The following CACNA2D3 variants were observed in gnomAD, a reference collection of about 807,000 sequenced individuals.
CACNA2D3 encodes the protein calcium voltage-gated channel auxiliary subunit alpha2delta 3, also known as voltage-dependent calcium channel subunit alpha-2/delta-3.
In CACNA2D3, 60 loss-of-function variants were observed where a neutral mutation model predicts 160.6. The observed-to-expected ratio is 0.37, with a 90% CI of 0.30 to 0.46. CACNA2D3 has a LOEUF of 0.46. Among genes scored for constraint, CACNA2D3 ranks in the 20% least tolerant of loss-of-function variants. CACNA2D3 has a pLI of 1.00. For missense variants in CACNA2D3, 1,205 were observed against 1,365.0 expected, an observed-to-expected ratio of 0.88 and a Z score of 1.85; for synonymous variants, 558 against 492.9, an observed-to-expected ratio of 1.13 and a Z score of -1.75.
rs1553785965 is a variant in CACNA2D3 at position 54,689,010 on chromosome 3, A to AAAAAAAAAAAAAAAAGAG, written c.1167+46770_1167+46771insAAAAAAAAAAAAAAGAGA. On this transcript the variant is annotated intron_variant, in intron 11 of 37. Transcript: ENST00000474759. Reference sequence around the variant, plus strand: ...AAAAAAAAAAAAAAAAAAAAAAAAAAAGAATGAGGTTGTATACATAAAGCA... The same window carrying AAAAAAAAAAAAAAAAGAG: ...AAAAAAAAAAAAAAAAAAAAAAAAAAAAAAAAAAAAAAAAAGAGAGAATGAGGTTGTATACATAAAGCA... 1.4e-4 allele frequency among the ~76,000 whole-genome samples: 12 copies of AAAAAAAAAAAAAAAAGAG among 85,496 alleles called. 4 individuals are homozygous for AAAAAAAAAAAAAAAAGAG. Among genetic ancestry groups the AAAAAAAAAAAAAAAAGAG allele is most frequent in the Non-Finnish European group, 1.8e-4 (8 of 45,154 alleles). 56.1% of individuals were successfully genotyped at this position (85,496 alleles called of 152,430 possible).
intron 4 of CACNA2D3, among the ~76,000 whole-genome samples, chr3:54,456,646 CT>C (rs1449643914): frequency 6.6e-6 from 1 of 151,884 alleles, no homozygotes; most frequent in Non-Finnish European, 1.5e-5. Context: ...GAAGTGCTAC[CT>C]CCTCTTCATT....
chr3:54,910,734 C>A (rs2106908433), intron 27 of CACNA2D3, among the ~76,000 whole-genome samples: 1 of 152,318 alleles, frequency 6.6e-6, no homozygotes, highest in South Asian at 2.1e-4. Flanking sequence ...TGTCTCTACT[C>A]TTTCCCCAAT....
intron 18 of CACNA2D3, among the ~76,000 whole-genome samples, chr3:54,877,839 C>T (rs1021463580): frequency 5.9e-5 from 9 of 152,030 alleles, no homozygotes; most frequent in African/African-American, 1.9e-4. Flanking sequence ...AGGCAGGCAC[C>T]AGAAAGAGGA....
At chr3:54,290,357 A>G (rs1018158677) in intron 2 of CACNA2D3, among the ~76,000 whole-genome samples, 1 of 152,202 alleles carries the variant, frequency 6.6e-6, no homozygotes, top group African/African-American at 2.4e-5. Context: ...AACCACATTG[A>G]GATACCATCT....
rs1283143287 is a variant in CACNA2D3 at position 54,736,016 on chromosome 3, T to TACACACACACACAC, written c.1168-16578_1168-16577insCACACACACACACA. 2.9e-4 allele frequency among the ~76,000 whole-genome samples: 25 copies of TACACACACACACAC among 86,660 alleles called. 2 individuals are homozygous for TACACACACACACAC. The highest frequency in any genetic ancestry group is 6.0e-4 in the South Asian group (2 of 3,334). 56.9% of individuals were successfully genotyped at this position (86,660 alleles called of 152,430 possible). ...ATACATATATATATATGTATATATA[T>TACACACACACACAC]ACACATACATATATATATGTATATA... is the stretch of plus-strand genomic sequence containing the variant. On this transcript the variant is annotated intron_variant, in intron 11 of 37. Coordinates refer to ENST00000474759, the MANE Select transcript of CACNA2D3 (RefSeq NM_018398.3).
intron 2 of CACNA2D3, among the ~76,000 whole-genome samples, chr3:54,151,982 C>A (rs895462602): frequency 6.6e-6 from 1 of 152,244 alleles, no homozygotes; most frequent in Non-Finnish European, 1.5e-5. Context: ...TCAAATGCCA[C>A]CTCTTCTATG....
Position 54,479,508 on chromosome 3 carries a change from C to T in CACNA2D3, c.382-23984C>T, listed in dbSNP as rs546223635. 1.1e-3 allele frequency among the ~76,000 whole-genome samples: 164 copies of T among 152,258 alleles called. 2 individuals carry two copies. The highest frequency in any genetic ancestry group is 1.9e-3 in the Non-Finnish European group (130 of 68,020). ...ACCGTAATTATAGGCCTTTCTGGAA[C>T]CTGCTTCCTGCTTGTGTTGCCAGCC... On this transcript the variant is annotated intron_variant, in intron 4 of 37. Transcript: ENST00000474759.
At chr3:54,962,063 A>G (rs927707648) in intron 27 of CACNA2D3, among the ~76,000 whole-genome samples, 10 of 151,902 alleles carry the variant, frequency 6.6e-5, no homozygotes, top group African/African-American at 2.4e-4. Context: ...TCATTAATCC[A>G]TTAACCCATT....
chr3:54,984,791 A>C, intron 30 of CACNA2D3, 121 bp downstream of exon 30: 1 of 670,106 alleles, frequency 1.5e-6, no homozygotes, highest in Non-Finnish European at 2.6e-6. Context: ...TAATAGCAGG[A>C]GATTATAAAA....
chr3:54,986,474 C>A (rs983879449), intron 30 of CACNA2D3, among the ~76,000 whole-genome samples: 2 of 152,178 alleles, frequency 1.3e-5, no homozygotes, highest in African/African-American at 4.8e-5. Flanking sequence ...TACACGCCCA[C>A]AGAGTTTGCA....
intron 2 of CACNA2D3, among the ~76,000 whole-genome samples, chr3:54,238,902 G>T (rs1485401468): frequency 1.3e-5 from 2 of 152,104 alleles, no homozygotes; most frequent in South Asian, 2.1e-4. Context: ...ATAAACCATA[G>T]CACTAATAAA....
Position 54,751,866 on chromosome 3 carries a change from G to T in CACNA2D3, c.1168-733G>T, listed in dbSNP as rs577453483. On this transcript the variant is annotated intron_variant, in intron 11 of 37. Coordinates refer to ENST00000474759, the MANE Select transcript of CACNA2D3 (RefSeq NM_018398.3). ...CATACCATTTTAAATTGAATTAAAG[G>T]ATTTTAACCTTTTCATTCCTTATCT... is the stretch of plus-strand genomic sequence containing the variant. 5.3e-5 allele frequency among the ~76,000 whole-genome samples: 8 copies of T among 152,280 alleles called. 1 individual carries two copies. In the South Asian group the frequency reaches 1.7e-3, roughly 32 times the overall value.
intron 11 of CACNA2D3, among the ~76,000 whole-genome samples, chr3:54,709,924 C>T (rs778412054): frequency 2.3e-4 from 35 of 152,116 alleles, no homozygotes; most frequent in Non-Finnish European, 4.4e-4. Context: ...GACCCTGTCT[C>T]TAAAATAAAA....
chr3:54,725,708 A>C (rs1355001192), intron 11 of CACNA2D3, among the ~76,000 whole-genome samples: 2 of 152,232 alleles, frequency 1.3e-5, no homozygotes, highest in Admixed American at 1.3e-4. Flanking sequence ...GACAAAATTC[A>C]ACACCCCTTC....
chr3:54,202,418 C>T (rs1001132067), intron 2 of CACNA2D3, among the ~76,000 whole-genome samples: 9 of 152,344 alleles, frequency 5.9e-5, no homozygotes, highest in South Asian at 2.1e-4. Flanking sequence ...CCAGTTACCA[C>T]GTCTTCTTCA....
intron 27 of CACNA2D3, chr3:54,918,808 T>C: frequency 6.2e-7 from 1 of 1,613,580 alleles, no homozygotes; most frequent in South Asian, 1.1e-5. Flanking sequence ...AGGGCAGGGC[T>C]GGTACAGCTC....
intron 2 of CACNA2D3, among the ~76,000 whole-genome samples, chr3:54,168,652 A>G (rs867734281): frequency 2.6e-5 from 4 of 152,288 alleles, no homozygotes; most frequent in Middle Eastern, 3.4e-3. Context: ...TGGTTGGCCT[A>G]GGAGCATGGG....
At chr3:54,450,693 C>T (rs915027156) in intron 4 of CACNA2D3, among the ~76,000 whole-genome samples, 1 of 152,156 alleles carries the variant, frequency 6.6e-6, no homozygotes, top group Non-Finnish European at 1.5e-5. Flanking sequence ...CCTTCACCTT[C>T]CACCATAGTG....
At chr3:54,363,847 C>T (rs1181949252) in intron 3 of CACNA2D3, among the ~76,000 whole-genome samples, 3 of 152,032 alleles carry the variant, frequency 2.0e-5, no homozygotes, top group Non-Finnish European at 2.9e-5. Context: ...AGGAAGTAGC[C>T]CTACCCACTG....
Sources: gnomAD v4.1 joint callset for allele counts (sites outside exome capture counted in the v4.1 genomes callset) on GRCh38, gnomAD v4.1.1 for gene constraint, MANE v1.5 for transcripts, NCBI Gene and HGNC (gene_info 2026-07-23, HGNC 2026-07-21) for gene names.